The following PAFAH1B2 variants were observed in gnomAD, a reference collection of about 807,000 sequenced individuals.
PAFAH1B2 encodes platelet-activating factor acetylhydrolase IB subunit alpha2.
In PAFAH1B2, 8 loss-of-function variants were observed where a neutral mutation model predicts 28.0. The ratio of observed to expected loss-of-function variants is 0.29; its 90% CI spans 0.17 to 0.52. PAFAH1B2 has a LOEUF of 0.52. Ranked by LOEUF, PAFAH1B2 falls within the 20% of genes least tolerant of loss-of-function variation. PAFAH1B2 has a pLI of 0.97. For synonymous variants in PAFAH1B2, 104 were observed against 103.2 expected, an observed-to-expected ratio of 1.01 and a Z score of -0.05; for missense variants, 190 against 282.6, an observed-to-expected ratio of 0.67 and a Z score of 2.35.
At chr11:117,178,086 A>G (rs746679103), downstream of PAFAH1B2, among the ~76,000 whole-genome samples, 1 of 152,262 alleles carries the variant, frequency 6.6e-6, no homozygotes, top group Non-Finnish European at 1.5e-5. Context: ...ATCAAAGGGT[A>G]TAAAGCTCTC....
downstream of PAFAH1B2, among the ~76,000 whole-genome samples, chr11:117,177,371 T>C (rs762229304): frequency 8.5e-5 from 13 of 152,256 alleles, no homozygotes; most frequent in South Asian, 4.1e-4. Flanking sequence ...GAAAATGATA[T>C]ACAATATGTG....
chr11:117,168,446 G>GTTTGTGTTTTTTTTTTT lies in PAFAH1B2; in HGVS notation c.*750_*751insGTGTTTTTTTTTTTTTT. 1 of 234,820 alleles carries GTTTGTGTTTTTTTTTTT rather than the reference G, an allele frequency of 4.3e-6. No individual in the cohort carries two copies. The highest frequency in any genetic ancestry group is 5.0e-6 in the Non-Finnish European group (1 of 200,708). 14.5% of individuals were successfully genotyped at this position (234,820 alleles called of 1,614,324 possible). ...TCCCCTTCATTCCCCCCGCCACCCC[G>GTTTGTGTTTTTTTTTTT]TTTTTTTTTTTTTTTTTTTTTTTTT... On this transcript the variant is annotated 3_prime_UTR_variant, in exon 6 of 6. Transcript: ENST00000527958.
At chr11:117,162,333 G>A (rs985720865) in intron 4 of PAFAH1B2, among the ~76,000 whole-genome samples, 4 of 151,912 alleles carry the variant, frequency 2.6e-5, no homozygotes, top group Non-Finnish European at 5.9e-5. Flanking sequence ...CAGGGTCTTG[G>A]TCTTGTTATG....
chr11:117,158,095 G>A (rs191554612), intron 2 of PAFAH1B2, among the ~76,000 whole-genome samples: 224 of 152,236 alleles, frequency 1.5e-3, no homozygotes, highest in African/African-American at 4.4e-3. Context: ...CTAAGATCGC[G>A]CCACTACACT....
In PAFAH1B2 at chr11:117,168,445, C is replaced by T. The variant is rs1480176802; in HGVS notation, c.*746C>T. ...TTCCCCTTCATTCCCCCCGCCACCC[C>T]GTTTTTTTTTTTTTTTTTTTTTTTT... On this transcript the variant is annotated 3_prime_UTR_variant, in exon 6 of 6. Transcript: ENST00000527958. The T allele has an allele frequency of 1.7e-5, 6 of 354,316 alleles. No individual in the cohort carries two copies. Among genetic ancestry groups the T allele is most frequent in the East Asian group, 2.0e-4 (2 of 9,830 alleles). 21.9% of individuals were successfully genotyped at this position (354,316 alleles called of 1,614,324 possible).
downstream of PAFAH1B2, among the ~76,000 whole-genome samples, chr11:117,177,341 C>A (rs1034919222): frequency 2.0e-5 from 3 of 151,978 alleles, no homozygotes; most frequent in African/African-American, 2.4e-5. Flanking sequence ...TGGTACTACT[C>A]TATATTTTTA....
chr11:117,168,378 G>A lies in PAFAH1B2; in HGVS notation c.*679G>A, dbSNP rs1252966177. 4.7e-5 allele frequency: 49 copies of A among 1,051,742 alleles called. No individual in the cohort carries two copies. The highest frequency in any genetic ancestry group is 5.6e-5 in the Non-Finnish European group (49 of 873,244). 65.2% of individuals were successfully genotyped at this position (1,051,742 alleles called of 1,614,324 possible). The stretch of plus-strand genomic sequence containing the variant: ...TGAATATCATGTCTATAATAGACCC[G>A]TGCATGCAGCCTTTCCTCCTTATTC... On this transcript the variant is annotated 3_prime_UTR_variant, in exon 6 of 6. Coordinates refer to ENST00000527958, the MANE Select transcript of PAFAH1B2 (RefSeq NM_002572.4).
chr11:117,154,824 G>A (rs1360443057), intron 2 of PAFAH1B2, among the ~76,000 whole-genome samples: 1 of 152,150 alleles, frequency 6.6e-6, no homozygotes, highest in African/African-American at 2.4e-5. Context: ...AATAGTCTGG[G>A]GATGGAGTGG....
downstream of PAFAH1B2, among the ~76,000 whole-genome samples, chr11:117,174,048 A>G (rs1956727729): frequency 6.6e-6 from 1 of 152,052 alleles, no homozygotes; most frequent in Admixed American, 6.6e-5. Flanking sequence ...TCTGTCTCCC[A>G]CCCATAGGCA....
At position 117,152,504 on chromosome 11, in the gene PAFAH1B2, A is replaced by G. The variant is rs1318596849; in HGVS notation, c.57A>G (p.Gln19=). The stretch of plus-strand genomic sequence containing the variant: ...TTCCGCATGCAGCAGAAGATATTCA[A>G]GGAGATGACCGATGGATGTCTCAGG... ...AAIPHAAEDI[Q]GDDRWMSQHN... is the part of the protein sequence containing the mutation. Residue 19 remains glutamine (Q), a synonymous_variant, in exon 2 of 6, where the codon CAA becomes CAG. Coordinates refer to ENST00000527958, the MANE Select transcript of PAFAH1B2 (RefSeq NM_002572.4). 1 of 1,613,346 alleles carries G rather than the reference A, an allele frequency of 6.2e-7. No individual in the cohort carries two copies. The highest frequency in any genetic ancestry group is 8.5e-7 in the Non-Finnish European group (1 of 1,179,216).
In PAFAH1B2 at chr11:117,168,729, C is replaced by T. The variant is rs565265709; in HGVS notation, c.*1030C>T. The T allele has an allele frequency of 1.8e-4, 185 of 1,048,696 alleles. No homozygotes were observed. The South Asian group carries it at 7.7e-3, about 43-fold the overall frequency. The allele number at this position is 1,048,696 out of a possible 1,614,324, so 65.0% of individuals were successfully genotyped here. A position where few individuals can be genotyped will look rare whatever the true frequency, so the allele number is the denominator to read the frequency against. On this transcript the variant is annotated 3_prime_UTR_variant, in exon 6 of 6. Coordinates refer to ENST00000527958, the MANE Select transcript of PAFAH1B2 (RefSeq NM_002572.4). ...TTGTTTCCCATTCCATAGCACCTGA[C>T]ATTATTTCAAGTTTTATAATATCTT...
In PAFAH1B2 at chr11:117,170,530, G is replaced by A. The variant is rs560946715; in HGVS notation, c.*2831G>A. On this transcript the variant is annotated 3_prime_UTR_variant, in exon 6 of 6. Transcript: ENST00000527958. The stretch of plus-strand genomic sequence containing the variant: ...CCGTGAGGCTACTTGAACTGTCAGG[G>A]GCATCTGCCTAAACCAGAATCTTTT... 2 of 1,058,842 alleles carry A rather than the reference G, an allele frequency of 1.9e-6. No homozygotes were observed. Among genetic ancestry groups the A allele is most frequent in the Non-Finnish European group, 2.3e-6 (2 of 876,382 alleles). The allele number at this position is 1,058,842 out of a possible 1,614,324, so 65.6% of individuals were successfully genotyped here.
At chr11:117,148,970 C>T (rs1045099174) in intron 1 of PAFAH1B2, among the ~76,000 whole-genome samples, 73 of 151,326 alleles carry the variant, frequency 4.8e-4, no homozygotes, top group African/African-American at 1.7e-3. Context: ...TGGGCTCGAG[C>T]GATTCTCCTC....
In PAFAH1B2 at chr11:117,167,842, G is replaced by C. The variant is rs556291976; in HGVS notation, c.*143G>C. 1 of 1,269,642 alleles carries C rather than the reference G, an allele frequency of 7.9e-7. No individual in the cohort carries two copies. The highest frequency in any genetic ancestry group is 1.0e-6 in the Non-Finnish European group (1 of 1,001,628). 78.6% of individuals were successfully genotyped at this position (1,269,642 alleles called of 1,614,324 possible). A position where few individuals can be genotyped will look rare whatever the true frequency, so the allele number is the denominator to read the frequency against. On this transcript the variant is annotated 3_prime_UTR_variant, in exon 6 of 6. Transcript: ENST00000527958. ...ATATCTAGTGTTTGAAGGGGAGGAG[G>C]GATTTAAACTGGTCCTGTACATAGA...
chr11:117,152,499 A>G lies in PAFAH1B2; in HGVS notation c.52A>G (p.Ile18Val). 6.2e-7 allele frequency: 1 copy of G among 1,613,670 alleles called. No individual in the cohort carries two copies. The highest frequency in any genetic ancestry group is 2.2e-5 in the East Asian group (1 of 44,884). The change falls in exon 2 of 6, where the codon ATT becomes GTT. Residue 18 changes from isoleucine to valine, a missense_variant. Coordinates refer to ENST00000527958, the MANE Select transcript of PAFAH1B2 (RefSeq NM_002572.4). The stretch of plus-strand genomic sequence containing the variant: ...AGCTATTCCGCATGCAGCAGAAGAT[A>G]TTCAAGGAGATGACCGATGGATGTC... ...PAAIPHAAED[I>V]QGDDRWMSQH...
intron 1 of PAFAH1B2, 73 bp from the exon 2 acceptor site, chr11:117,152,368 A>G (rs187721484): frequency 1.2e-5 from 10 of 832,946 alleles, no homozygotes; most frequent in Admixed American, 9.8e-5. Context: ...TTAAAGCCTG[A>G]TGTGTATAAT....
At position 117,168,444 on chromosome 11, in the gene PAFAH1B2, CCGTTTT is replaced by C; in HGVS notation, c.*746_*751del. 9.1e-6 allele frequency: 4 copies of C among 438,194 alleles called. No individual in the cohort carries two copies. The highest frequency in any genetic ancestry group is 1.1e-5 in the Non-Finnish European group (4 of 370,326). 27.1% of individuals were successfully genotyped at this position (438,194 alleles called of 1,614,324 possible). On this transcript the variant is annotated 3_prime_UTR_variant, in exon 6 of 6. Coordinates refer to ENST00000527958, the MANE Select transcript of PAFAH1B2 (RefSeq NM_002572.4). ...TTTCCCCTTCATTCCCCCCGCCACC[CCGTTTT>C]TTTTTTTTTTTTTTTTTTTTTGGTT...
downstream of PAFAH1B2, among the ~76,000 whole-genome samples, chr11:117,177,243 A>G (rs1373765290): frequency 6.6e-6 from 1 of 152,184 alleles, no homozygotes; most frequent in Non-Finnish European, 1.5e-5. Flanking sequence ...ATATATAAAT[A>G]TATATACATT....
intron 2 of PAFAH1B2, among the ~76,000 whole-genome samples, chr11:117,156,217 T>C (rs577745388): frequency 3.2e-4 from 48 of 152,276 alleles, no homozygotes; most frequent in East Asian, 9.7e-4. Context: ...TTAAAAGTTA[T>C]GATTATAAAA....
Sources: gnomAD v4.1 joint callset for allele counts (sites outside exome capture counted in the v4.1 genomes callset) on GRCh38, gnomAD v4.1.1 for gene constraint, MANE v1.5 for transcripts, NCBI Gene and HGNC (gene_info 2026-07-23, HGNC 2026-07-21) for gene names.